Variants in PIBF1 observed in about 807,000 individuals in gnomAD.
PIBF1 encodes the protein progesterone-induced-blocking factor 1.
PIBF1 carries 90 observed loss-of-function variants against 112.5 expected under a neutral mutation model. The observed-to-expected ratio is 0.80, with a 90% CI of 0.67 to 0.95. The LOEUF (loss-of-function observed/expected upper bound fraction) is 0.95, where lower values mean the gene tolerates loss of function less well. Among genes scored for constraint, PIBF1 ranks in the 40% least tolerant of loss-of-function variants. PIBF1 has a pLI of 0.00. For synonymous variants in PIBF1, 301 were observed against 288.6 expected, an observed-to-expected ratio of 1.04 and a Z score of -0.44; for missense variants, 915 against 852.3, an observed-to-expected ratio of 1.07 and a Z score of -0.92.
chr13:72,952,517 T>C (rs947740412), intron 14 of PIBF1, among the ~76,000 whole-genome samples: 9 of 152,116 alleles, frequency 5.9e-5, no homozygotes, highest in Non-Finnish European at 1.3e-4. Flanking sequence ...TTTGGGGGTG[T>C]TATATAATCC....
intron 13 of PIBF1, among the ~76,000 whole-genome samples, chr13:72,923,027 C>T (rs1198798264): frequency 6.6e-6 from 1 of 152,172 alleles, no homozygotes; most frequent in African/African-American, 2.4e-5. Context: ...TTGCAACCAT[C>T]TTTGATGCCA....
rs141005105 is a variant in PIBF1, at chr13:72,804,784, A to G, written c.672+6758A>G. Among the ~76,000 whole-genome samples the G allele has an allele frequency of 9.8e-5, 15 of 152,308 alleles. No homozygotes were observed. In the East Asian group the frequency reaches 2.9e-3, roughly 29 times the overall value. The stretch of plus-strand genomic sequence containing the variant: ...TCTAAGTCCTAACAGAGGAATTAAT[A>G]TTTTATTTTGTAGTGAACAAATTGA... On this transcript the variant is annotated intron_variant, in intron 5 of 17. Coordinates refer to ENST00000326291, the MANE Select transcript of PIBF1 (RefSeq NM_006346.4).
chr13:72,984,109 G>A (rs1042393994), intron 16 of PIBF1, among the ~76,000 whole-genome samples: 1 of 152,040 alleles, frequency 6.6e-6, no homozygotes, highest in Non-Finnish European at 1.5e-5. Flanking sequence ...GTAAGGGTGT[G>A]TGACTTCAGG....
intron 10 of PIBF1, among the ~76,000 whole-genome samples, chr13:72,892,294 A>T (rs917385844): frequency 3.3e-5 from 5 of 152,298 alleles, no homozygotes; most frequent in Admixed American, 6.5e-5. Context: ...AGTTAGTCAC[A>T]AAAACTGACA....
At chr13:72,918,553 A>G (rs2041181314) in intron 13 of PIBF1, among the ~76,000 whole-genome samples, 1 of 150,980 alleles carries the variant, frequency 6.6e-6, no homozygotes, top group Non-Finnish European at 1.5e-5. Flanking sequence ...ACACCCTGCT[A>G]ATTTTTGTAT....
At chr13:72,972,003 CATTTATTTATTTATTTATTTATTT>C (rs67353309) in intron 15 of PIBF1, among the ~76,000 whole-genome samples, 5 of 138,784 alleles carry the variant, frequency 3.6e-5, no homozygotes, top group African/African-American at 5.3e-5. Context: ...TAGTGGCTTT[CATTTATTTATTTATTTATTTATTT>C]ATTTATTTAT....
chr13:72,961,502 A>C (rs566814596), intron 14 of PIBF1, among the ~76,000 whole-genome samples: 1 of 152,202 alleles, frequency 6.6e-6, no homozygotes, highest in East Asian at 1.9e-4. Flanking sequence ...AAAACAGTAA[A>C]TCTTTAATGG....
chr13:72,823,403 T>A (rs555069966), intron 6 of PIBF1, among the ~76,000 whole-genome samples: 1 of 152,222 alleles, frequency 6.6e-6, no homozygotes, highest in East Asian at 1.9e-4. Flanking sequence ...AAGAAAAATA[T>A]AACCTTGATC....
chr13:72,930,622 C>T (rs1238236400), intron 13 of PIBF1, among the ~76,000 whole-genome samples: 3 of 152,096 alleles, frequency 2.0e-5, no homozygotes, highest in Non-Finnish European at 4.4e-5. Flanking sequence ...TCTTTTAGTA[C>T]AGAAGCTTAG....
chr13:72,962,920 G>C (rs2138902383), intron 14 of PIBF1, among the ~76,000 whole-genome samples: 1 of 152,228 alleles, frequency 6.6e-6, no homozygotes, highest in South Asian at 2.1e-4. Context: ...TGTGCAACTA[G>C]AATAAGGATG....
At chr13:72,959,516 A>G (rs553336349) in intron 14 of PIBF1, among the ~76,000 whole-genome samples, 1 of 152,318 alleles carries the variant, frequency 6.6e-6, no homozygotes, top group African/African-American at 2.4e-5. Context: ...CTCAATGTTA[A>G]ATTCCACTCA....
At chr13:72,949,737 T>G (rs1313829711) in intron 14 of PIBF1, among the ~76,000 whole-genome samples, 2 of 152,220 alleles carry the variant, frequency 1.3e-5, no homozygotes, top group African/African-American at 4.8e-5. Flanking sequence ...AACAATATCC[T>G]TACTATGTAC....
At chr13:72,830,002 G>C (rs900390355) in intron 8 of PIBF1, among the ~76,000 whole-genome samples, 3 of 152,158 alleles carry the variant, frequency 2.0e-5, no homozygotes, top group Non-Finnish European at 4.4e-5. Context: ...CACATCCCTT[G>C]TAAGTTATAT....
At chr13:72,792,252 C>T (rs906749250) in intron 2 of PIBF1, among the ~76,000 whole-genome samples, 195 bp from the exon 3 acceptor site, 1 of 151,982 alleles carries the variant, frequency 6.6e-6, no homozygotes, top group Non-Finnish European at 1.5e-5. Flanking sequence ...GCCAAGGTTG[C>T]GCCACTGCAC....
intron 2 of PIBF1, among the ~76,000 whole-genome samples, chr13:72,790,467 A>G (rs2034849498): frequency 7.0e-6 from 1 of 142,766 alleles, no homozygotes; most frequent in Non-Finnish European, 1.5e-5. Context: ...ACACACACTT[A>G]TAGATAGATC....
At position 72,835,325 on chromosome 13, in the gene PIBF1, C is replaced by A; in HGVS notation, c.1180C>A (p.Gln394Lys). Residue 394 changes from glutamine (Q) to lysine (K), a missense_variant, in exon 9 of 18, where the codon CAA becomes AAA. Coordinates refer to ENST00000326291, the MANE Select transcript of PIBF1 (RefSeq NM_006346.4). ...ATTGAAAACCAACCAAGAAATTGAT[C>A]AACTTCGAAATGCCTCTAGGGAAAT... ...IRLKTNQEIDQLRNASREMYE... is the reference protein window; with the variant it reads ...IRLKTNQEIDKLRNASREMYE... 6.3e-7 allele frequency: 1 copy of A among 1,591,116 alleles called. No individual in the cohort carries two copies. The highest frequency in any genetic ancestry group is 8.5e-7 in the Non-Finnish European group (1 of 1,170,238).
At chr13:72,966,222 C>T (rs55896264) in intron 15 of PIBF1, among the ~76,000 whole-genome samples, 1,615 of 152,136 alleles carry the variant, frequency 0.011, 13 homozygotes, top group Non-Finnish European at 0.017. Context: ...AGTATGCAAA[C>T]AAAAATATAA....
chr13:72,824,059 G>T (rs917020090), intron 6 of PIBF1, among the ~76,000 whole-genome samples: 5 of 152,080 alleles, frequency 3.3e-5, no homozygotes, highest in African/African-American at 4.8e-5. Context: ...TGTCACCCAG[G>T]CTGGAGTGCA....
chr13:72,974,978 C>T (rs1594300262), intron 16 of PIBF1, among the ~76,000 whole-genome samples: 3 of 152,160 alleles, frequency 2.0e-5, no homozygotes, highest in Admixed American at 2.0e-4. Flanking sequence ...TAACACAAAG[C>T]CTTTTTTCTA....
Sources: gnomAD v4.1 joint callset for allele counts (sites outside exome capture counted in the v4.1 genomes callset) on GRCh38, gnomAD v4.1.1 for gene constraint, MANE v1.5 for transcripts, NCBI Gene and HGNC (gene_info 2026-07-23, HGNC 2026-07-21) for gene names.